The following LUZP1 variants were observed in gnomAD, a reference collection of about 807,000 sequenced individuals.
LUZP1 encodes filamin mechanobinding actin cross-linking protein.
A neutral mutation model predicts 71.3 loss-of-function variants in LUZP1; 25 were observed. That is an observed-to-expected ratio of 0.35 (90% CI 0.26 to 0.49). The LOEUF (loss-of-function observed/expected upper bound fraction) is 0.49, where lower values mean the gene tolerates loss of function less well. Among genes scored for constraint, LUZP1 ranks in the 20% least tolerant of loss-of-function variants. The pLI, the probability that LUZP1 is intolerant of heterozygous loss-of-function variation, is 0.99. For missense variants in LUZP1, 1,142 were observed against 1,300.8 expected (o/e 0.88, Z 1.88); for synonymous variants, 481 against 506.4 (o/e 0.95, Z 0.67).
chr1:23,117,477 C>CTCTCTCTCTCTCTCTCTCTCTCT (rs34248788), intron 2 of LUZP1, among the ~76,000 whole-genome samples: 1 of 13,848 alleles, frequency 7.2e-5, no homozygotes, highest in African/African-American at 2.9e-4. Flanking sequence ...CTCTCTCTCT[C>CTCTCTCTCTCTCTCTCTCTCTCT]CCCCCCCCCC....
chr1:23,139,608 T>C (rs1351752890), intron 2 of LUZP1, among the ~76,000 whole-genome samples: 4 of 152,188 alleles, frequency 2.6e-5, no homozygotes, highest in Admixed American at 2.6e-4. Context: ...ACAATTTCTT[T>C]AGCTTAATTT....
intron 2 of LUZP1, among the ~76,000 whole-genome samples, chr1:23,139,022 ATATATATAT>A (rs1644281891): frequency 4.2e-5 from 4 of 94,182 alleles, no homozygotes; most frequent in South Asian, 7.3e-4. Flanking sequence ...AAAAAAAAAT[ATATATATAT>A]ATATATATAT....
chr1:23,110,888 C>T (rs1208334776), intron 2 of LUZP1, among the ~76,000 whole-genome samples: 2 of 152,106 alleles, frequency 1.3e-5, no homozygotes, highest in African/African-American at 4.8e-5. Flanking sequence ...ACACCTTGGC[C>T]TCCCAAAGAG....
At chr1:23,130,507 C>CACCAAGTT in intron 2 of LUZP1, among the ~76,000 whole-genome samples, 1 of 149,546 alleles carries the variant, frequency 6.7e-6, no homozygotes, top group East Asian at 2.0e-4. Context: ...CCTTAGGATC[C>CACCAAGTT]ACCAAGTTAA....
intron 2 of LUZP1, among the ~76,000 whole-genome samples, chr1:23,165,120 A>C (rs1644499764): frequency 1.3e-5 from 2 of 152,222 alleles, no homozygotes; most frequent in Non-Finnish European, 2.9e-5. Flanking sequence ...ATTTCCTCCC[A>C]AGTTGGCACA....
exon 4 of LUZP1, chr1:23,092,054 A>C (rs1643863089): frequency 1.2e-6 from 2 of 1,613,978 alleles, no homozygotes; most frequent in Non-Finnish European, 1.7e-6. Context: ...TTTTTACCCC[A>C]GCACCATTGG....
chr1:23,106,418 A>C (rs1462212058), intron 3 of LUZP1, among the ~76,000 whole-genome samples: 6 of 152,140 alleles, frequency 3.9e-5, no homozygotes, highest in Non-Finnish European at 2.9e-5. Context: ...CAGCCTCGGC[A>C]ACATGGTGAA....
intron 1 of LUZP1, among the ~76,000 whole-genome samples, chr1:23,169,249 G>A (rs1363422055): frequency 1.3e-5 from 2 of 152,144 alleles, no homozygotes; most frequent in Admixed American, 6.5e-5. Flanking sequence ...AGCTAAAGTA[G>A]GAGGATCGCT....
chr1:23,104,577 T>C (rs1457764486), intron 3 of LUZP1, among the ~76,000 whole-genome samples: 1 of 152,206 alleles, frequency 6.6e-6, no homozygotes, highest in African/African-American at 2.4e-5. Flanking sequence ...ATTCTGTAGA[T>C]GCTTCTATCA....
At chr1:23,132,158 C>T (rs1468000753) in intron 2 of LUZP1, among the ~76,000 whole-genome samples, 1 of 152,160 alleles carries the variant, frequency 6.6e-6, no homozygotes, top group East Asian at 1.9e-4. Flanking sequence ...CCTTTTCTGA[C>T]ACCCCCTCCA....
intron 1 of LUZP1, among the ~76,000 whole-genome samples, chr1:23,173,281 A>T (rs982226173): frequency 2.0e-5 from 3 of 147,660 alleles, no homozygotes; most frequent in East Asian, 4.0e-4. Context: ...AATAAAAAAG[A>T]GCTAGAGAAC....
intron 2 of LUZP1, among the ~76,000 whole-genome samples, chr1:23,161,164 T>G (rs774608510): frequency 2.0e-5 from 3 of 152,206 alleles, no homozygotes; most frequent in Non-Finnish European, 4.4e-5. Context: ...GCACTAGAGA[T>G]ACACTGGAGA....
At chr1:23,168,051 G>A (rs1442102934) in intron 2 of LUZP1, among the ~76,000 whole-genome samples, 1 of 150,888 alleles carries the variant, frequency 6.6e-6, no homozygotes, top group African/African-American at 2.4e-5. Flanking sequence ...CAAAGCGAAT[G>A]CCTCGAATTC....
Position 23,120,596 on chromosome 1 carries a change from G to A in LUZP1, c.-225-11469C>T, listed in dbSNP as rs1358590409. 6.6e-5 allele frequency among the ~76,000 whole-genome samples: 10 copies of A among 151,926 alleles called. No homozygotes were observed. In the East Asian group the frequency reaches 1.9e-3, roughly 29 times the overall value. On this transcript the variant is annotated intron_variant, in intron 2 of 4. Coordinates refer to ENST00000302291, the Ensembl canonical transcript of LUZP1. ...TGGTCTTGAACTCCTGGCCTCAAAC[G>A]ATCCTCTTCTCTCGACCTCCCAAAG...
intron 4 of LUZP1, among the ~76,000 whole-genome samples, chr1:23,089,756 C>CT (rs10559844): frequency 0.01 from 1,515 of 146,676 alleles, 10 homozygotes; most frequent in African/African-American, 0.013. Context: ...CCACACCTGG[C>CT]TTTTTTTTTT....
chr1:23,145,486 T>A (rs1644335953), intron 2 of LUZP1, among the ~76,000 whole-genome samples: 1 of 150,440 alleles, frequency 6.6e-6, no homozygotes, highest in Non-Finnish European at 1.5e-5. Context: ...TTTTTTTTTT[T>A]GAGACGGAGT....
chr1:23,149,034 T>C (rs1310066102), intron 2 of LUZP1, among the ~76,000 whole-genome samples: 1 of 121,532 alleles, frequency 8.2e-6, no homozygotes, highest in African/African-American at 3.3e-5. Context: ...TGAGCCATGA[T>C]GGCAACACTG....
rs199811948 is a variant in LUZP1 at position 23,091,479 on chromosome 1, C to T, written c.2783G>A (p.Arg928Gln). The T allele has an allele frequency of 9.8e-5, 158 of 1,614,178 alleles. 1 individual carries two copies. The South Asian group carries it at 1.6e-3, about 16-fold the overall frequency. Residue 928 changes from arginine to glutamine, a missense_variant, in exon 4 of 5, where the codon CGA (arginine) becomes CAA (glutamine). Coordinates refer to ENST00000302291, the Ensembl canonical transcript of LUZP1. ...GGGGTCTTCTAAAGATTTCAAGTCT[C>T]GCCTACTCTTCCAGGCATTCCGCAC...
intron 2 of LUZP1, among the ~76,000 whole-genome samples, chr1:23,138,115 T>G (rs1420982029): frequency 6.6e-6 from 1 of 152,090 alleles, no homozygotes; most frequent in Non-Finnish European, 1.5e-5. Flanking sequence ...GGATTACAGG[T>G]GCATGACATC....
Sources: allele counts gnomAD v4.1 joint callset (sites outside exome capture counted in the v4.1 genomes callset), GRCh38; gene constraint gnomAD v4.1.1; transcripts MANE v1.5; gene names NCBI Gene and HGNC (gene_info 2026-07-23, HGNC 2026-07-21).